The following DRG1 variants were observed in gnomAD, a reference collection of about 807,000 sequenced individuals.
DRG1 encodes developmentally regulated GTP binding protein 1, also known as developmentally-regulated GTP-binding protein 1.
A neutral mutation model predicts 38.8 loss-of-function variants in DRG1; 19 were observed. The ratio of observed to expected loss-of-function variants is 0.49; its 90% confidence interval spans 0.34 to 0.72. The LOEUF (loss-of-function observed/expected upper bound fraction) is 0.72. Among genes scored for constraint, DRG1 ranks in the 30% least tolerant of loss-of-function variants. The pLI is 0.01. For synonymous variants in DRG1, 167 were observed against 157.5 expected (o/e 1.06, Z -0.45); for missense variants, 299 against 444.8 (o/e 0.67, Z 2.95).
At chr22:31,405,677 G>GT (rs1413030842) in intron 3 of DRG1, among the ~76,000 whole-genome samples, 5 of 146,308 alleles carry the variant, frequency 3.4e-5, no homozygotes, top group African/African-American at 7.3e-5. Context: ...ATGTGTGTGT[G>GT]TGTGGGGGGG....
intron 4 of DRG1, among the ~76,000 whole-genome samples, chr22:31,414,375 G>A (rs1015695875): frequency 1.1e-4 from 16 of 151,952 alleles, no homozygotes; most frequent in African/African-American, 3.6e-4. Context: ...TGAGGCGGGA[G>A]GATCACTTGA....
In DRG1 at chr22:31,434,275, G is replaced by A. The variant is rs1342895427; in HGVS notation, c.*304G>A. On this transcript the variant is annotated 3_prime_UTR_variant, in exon 9 of 9. Coordinates refer to ENST00000331457, the MANE Select transcript of DRG1 (RefSeq NM_004147.4). ...AAGCAGCTACAGAAGGGATCCTTGG[G>A]AACTTCATCTTGAGTGTGAAATGGA... is the stretch of plus-strand genomic sequence containing the variant. The A allele has an allele frequency of 1.1e-5, 3 of 271,796 alleles. No homozygotes were observed. Among genetic ancestry groups the A allele is most frequent in the Admixed American group, 5.0e-5 (1 of 19,976 alleles). 16.8% of individuals were successfully genotyped at this position (271,796 alleles called of 1,614,324 possible). A position where few individuals can be genotyped will look rare whatever the true frequency, so the allele number is the denominator to read the frequency against.
intron 6 of DRG1, among the ~76,000 whole-genome samples, chr22:31,425,077 T>C (rs2050102521): frequency 6.6e-6 from 1 of 152,140 alleles, no homozygotes; most frequent in South Asian, 2.1e-4. Context: ...ATTACAGGCG[T>C]CAGTCACCCT....
At chr22:31,422,236 A>G (rs2050081105) in intron 5 of DRG1, among the ~76,000 whole-genome samples, 1 of 152,198 alleles carries the variant, frequency 6.6e-6, no homozygotes, top group Admixed American at 6.5e-5. Context: ...GTTGGAGGCC[A>G]GCCTGACCAA....
chr22:31,408,545 C>T (rs947571398), intron 3 of DRG1, among the ~76,000 whole-genome samples: 1 of 151,378 alleles, frequency 6.6e-6, no homozygotes, highest in South Asian at 2.1e-4. Flanking sequence ...GTCAGGAGTT[C>T]GAGACCAGCC....
intron 1 of DRG1, among the ~76,000 whole-genome samples, chr22:31,399,974 A>AC (rs748047131): frequency 6.6e-6 from 1 of 151,642 alleles, no homozygotes; most frequent in Admixed American, 6.6e-5. Flanking sequence ...CGCGTTCCGC[A>AC]CCCCTGCACC....
chr22:31,412,538 A>G lies in DRG1; in HGVS notation c.412+1457A>G, dbSNP rs5997980. Among the ~76,000 whole-genome samples, 3 of 150,454 alleles carry G rather than the reference A, an allele frequency of 2.0e-5. 1 individual carries two copies. Among genetic ancestry groups the G allele is most frequent in the Admixed American group, 2.0e-4 (3 of 15,112 alleles). Reference sequence around the variant, plus strand: ...GCTATTTTTTGTATTTTTAGTAAAGATGGGGTTTCATCGTGTTAGCCAGGA... The same window carrying G: ...GCTATTTTTTGTATTTTTAGTAAAGGTGGGGTTTCATCGTGTTAGCCAGGA... On this transcript the variant is annotated intron_variant, in intron 4 of 8. Coordinates refer to ENST00000331457, the MANE Select transcript of DRG1 (RefSeq NM_004147.4).
At chr22:31,406,920 C>T (rs1035020143) in intron 3 of DRG1, among the ~76,000 whole-genome samples, 2 of 152,068 alleles carry the variant, frequency 1.3e-5, no homozygotes, top group East Asian at 1.9e-4. Flanking sequence ...CTATTTCTGT[C>T]TATTTGTTTG....
intron 3 of DRG1, among the ~76,000 whole-genome samples, chr22:31,407,961 A>G (rs974154780): frequency 2.0e-5 from 3 of 149,070 alleles, no homozygotes; most frequent in African/African-American, 7.4e-5. Context: ...TCTCTACTAA[A>G]AATACACAAA....
chr22:31,404,772 C>T (rs1229500216), intron 3 of DRG1, among the ~76,000 whole-genome samples: 1 of 151,866 alleles, frequency 6.6e-6, no homozygotes, highest in Non-Finnish European at 1.5e-5. Context: ...CAGCCACATG[C>T]CACCACACCC....
chr22:31,423,490 A>G (rs1436872455), intron 6 of DRG1, 80 bp downstream of exon 6: 9 of 1,460,058 alleles, frequency 6.2e-6, no homozygotes, highest in Non-Finnish European at 8.5e-6. Context: ...TGAATCTGGC[A>G]GAAGTTTATC....
intron 3 of DRG1, among the ~76,000 whole-genome samples, chr22:31,403,605 G>T (rs2049974427): frequency 6.6e-6 from 1 of 152,150 alleles, no homozygotes; most frequent in Admixed American, 6.5e-5. Flanking sequence ...TTTCACCTGA[G>T]GGTGGGGGCT....
chr22:31,418,121 G>A (rs1255736046), intron 4 of DRG1, among the ~76,000 whole-genome samples: 2 of 151,786 alleles, frequency 1.3e-5, no homozygotes, highest in Non-Finnish European at 2.9e-5. Context: ...ATGGTGAAAT[G>A]CTGTCTCTAC....
intron 7 of DRG1, 79 bp from the exon 8 acceptor site, chr22:31,426,981 G>A: frequency 6.3e-7 from 1 of 1,585,558 alleles, no homozygotes; most frequent in Non-Finnish European, 8.6e-7. Flanking sequence ...CTGATGTCAG[G>A]GGTGATGGAG....
intron 3 of DRG1, among the ~76,000 whole-genome samples, chr22:31,405,036 T>C (rs969244905): frequency 7.2e-5 from 11 of 152,226 alleles, no homozygotes; most frequent in Admixed American, 7.2e-4. Flanking sequence ...TTGACTATTT[T>C]ATTGAATGTT....
intron 7 of DRG1, 95 bp from the exon 8 acceptor site, chr22:31,426,965 C>G (rs1238487993): frequency 6.4e-7 from 1 of 1,562,130 alleles, no homozygotes; most frequent in African/African-American, 1.4e-5. Context: ...TGGAGGTTGT[C>G]CTGGTCTGAT....
chr22:31,422,888 C>T (rs549119064), intron 5 of DRG1, among the ~76,000 whole-genome samples: 53 of 152,148 alleles, frequency 3.5e-4, no homozygotes, highest in Non-Finnish European at 6.8e-4. Context: ...GATGGGACTT[C>T]ATATGGTGTT....
In DRG1 at chr22:31,420,243, TC is replaced by T. The variant is rs757508879; in HGVS notation, c.413-12del. ...TTGAACTTTCTTGCGTATGTTTTTT[TC>T]TTACTCTTCAGTGGCCCGAACCTGT... On this transcript the variant is annotated splice_polypyrimidine_tract_variant and intron_variant, in intron 4 of 8. Transcript: ENST00000331457. 3.4e-5 allele frequency: 54 copies of T among 1,609,282 alleles called. No individual in the cohort carries two copies. In the African/African-American group the frequency reaches 6.0e-4, roughly 18 times the overall value.
rs573429104 is a variant in DRG1 at position 31,403,293 on chromosome 22, G to T, written c.342+89G>T. ...TGGGAGCTCACTGTATGCCAGGCCT[G>T]ATCTTTGATCTACCAGGCACTTACT... On this transcript the variant is annotated intron_variant, in intron 3 of 8. Transcript: ENST00000331457. 5 of 1,355,552 alleles carry T rather than the reference G, an allele frequency of 3.7e-6. No individual in the cohort carries two copies. The South Asian group carries it at 7.5e-5, about 20-fold the overall frequency. The allele number at this position is 1,355,552 out of a possible 1,614,324, so 84.0% of individuals were successfully genotyped here.
Sources: allele counts gnomAD v4.1 joint callset (sites outside exome capture counted in the v4.1 genomes callset), GRCh38; gene constraint gnomAD v4.1.1; transcripts MANE v1.5; gene names NCBI Gene and HGNC (gene_info 2026-07-23, HGNC 2026-07-21).